Variants in SORCS3 observed in about 807,000 individuals in gnomAD.
The protein encoded by SORCS3 is sortilin related VPS10 domain containing receptor 3.
A neutral mutation model predicts 146.3 loss-of-function variants in SORCS3; 57 were observed. The observed-to-expected ratio is 0.39, with a 90% confidence interval of 0.31 to 0.49. SORCS3 has a LOEUF of 0.49. Ranked by LOEUF, SORCS3 falls within the 20% of genes least tolerant of loss-of-function variation. SORCS3 has a pLI of 0.92. For missense variants in SORCS3, 1,341 were observed against 1,575.5 expected (o/e 0.85, Z 2.52); for synonymous variants, 653 against 618.5 (o/e 1.06, Z -0.83).
intron 1 of SORCS3, among the ~76,000 whole-genome samples, chr10:104,649,299 C>T (rs1002275147): frequency 6.6e-6 from 1 of 152,112 alleles, no homozygotes; most frequent in African/African-American, 2.4e-5. Flanking sequence ...AAGTTGTTAC[C>T]CTCTCTGCTG....
chr10:104,831,043 C>T (rs1215978781), intron 1 of SORCS3, among the ~76,000 whole-genome samples: 1 of 151,954 alleles, frequency 6.6e-6, no homozygotes, highest in Admixed American at 6.5e-5. Context: ...CCAGGCTGGT[C>T]GTGAACTCCT....
At chr10:105,018,594 A>C (rs979799588) in intron 4 of SORCS3, among the ~76,000 whole-genome samples, 2 of 152,216 alleles carry the variant, frequency 1.3e-5, no homozygotes, top group African/African-American at 2.4e-5. Flanking sequence ...CATTTTTCTG[A>C]ATTAAATTGT....
intron 2 of SORCS3, among the ~76,000 whole-genome samples, chr10:104,850,824 G>A (rs969785724): frequency 2.0e-5 from 3 of 152,178 alleles, no homozygotes; most frequent in Non-Finnish European, 2.9e-5. Context: ...GCACACACAG[G>A]ATTTATGATA....
At chr10:104,859,174 A>G (rs931136020) in intron 2 of SORCS3, among the ~76,000 whole-genome samples, 1 of 152,096 alleles carries the variant, frequency 6.6e-6, no homozygotes, top group African/African-American at 2.4e-5. Context: ...GAAATCATGC[A>G]TCTCCAGACT....
At chr10:105,227,256 T>A (rs753470241) in intron 20 of SORCS3, among the ~76,000 whole-genome samples, 3 of 151,998 alleles carry the variant, frequency 2.0e-5, no homozygotes, top group Non-Finnish European at 2.9e-5. Context: ...TGTTTCTGGG[T>A]TTTTTTGTTT....
At chr10:105,002,145 C>G (rs2055066183) in intron 4 of SORCS3, among the ~76,000 whole-genome samples, 1 of 152,096 alleles carries the variant, frequency 6.6e-6, no homozygotes, top group Admixed American at 6.5e-5. Flanking sequence ...TAAGGACCTT[C>G]ATAGCCTCTG....
chr10:105,130,821 C>CACCAGTTAG (rs1348615293), intron 7 of SORCS3, among the ~76,000 whole-genome samples: 1 of 152,144 alleles, frequency 6.6e-6, no homozygotes, highest in Admixed American at 6.6e-5. Context: ...AATGAGCAAA[C>CACCAGTTAG]ACCAGTTAGA....
chr10:104,817,282 A>G (rs1201631285), intron 1 of SORCS3, among the ~76,000 whole-genome samples: 1 of 151,584 alleles, frequency 6.6e-6, no homozygotes, highest in Non-Finnish European at 1.5e-5. Flanking sequence ...CATTATCTCA[A>G]TTTTCAATTG....
intron 2 of SORCS3, among the ~76,000 whole-genome samples, chr10:104,909,680 G>T (rs1291755864): frequency 1.3e-5 from 2 of 152,068 alleles, no homozygotes. Context: ...GTGAGAGCTG[G>T]CAGAGTGTCT....
At position 104,651,492 on chromosome 10, in the gene SORCS3, G is replaced by A. The variant is rs565820677; in HGVS notation, c.627+9538G>A. On this transcript the variant is annotated intron_variant, in intron 1 of 26. Transcript: ENST00000369701. The stretch of plus-strand genomic sequence containing the variant: ...GCAGATCACTTGAGGTCAGGAGTTC[G>A]AGACCAGCCTGGCCAACATAGTGAA... Among the ~76,000 whole-genome samples the A allele has an allele frequency of 9.7e-5, 14 of 143,838 alleles. No individual in the cohort carries two copies. The South Asian group carries it at 1.8e-3, about 18-fold the overall frequency. 94.4% of individuals were successfully genotyped at this position (143,838 alleles called of 152,430 possible).
intron 3 of SORCS3, among the ~76,000 whole-genome samples, chr10:104,972,044 G>A (rs1042216454): frequency 6.6e-6 from 1 of 152,150 alleles, no homozygotes; most frequent in Admixed American, 6.6e-5. Context: ...ACTGGCTGGA[G>A]GGGCAGTTTA....
At chr10:105,220,137 C>T (rs1397913997) in intron 19 of SORCS3, among the ~76,000 whole-genome samples, 2 of 152,118 alleles carry the variant, frequency 1.3e-5, no homozygotes, top group Non-Finnish European at 2.9e-5. Flanking sequence ...TTCTCTGTTC[C>T]TTCCTGAATC....
At chr10:104,710,998 A>G (rs1272615171) in intron 1 of SORCS3, among the ~76,000 whole-genome samples, 1 of 152,140 alleles carries the variant, frequency 6.6e-6, no homozygotes, top group East Asian at 1.9e-4. Flanking sequence ...ATATTTATCA[A>G]TTTCTTATTA....
chr10:104,917,398 T>G (rs1218657705), intron 3 of SORCS3, among the ~76,000 whole-genome samples: 1 of 152,244 alleles, frequency 6.6e-6, no homozygotes, highest in Non-Finnish European at 1.5e-5. Context: ...TGTGTTTATA[T>G]TGTACAACAT....
At chr10:105,193,730 G>T (rs764191370) in intron 14 of SORCS3, among the ~76,000 whole-genome samples, 5 of 152,122 alleles carry the variant, frequency 3.3e-5, no homozygotes, top group East Asian at 1.9e-4. Context: ...TAATTTTATG[G>T]CAGACCATGT....
chr10:104,962,076 A>G (rs968380669), intron 3 of SORCS3, among the ~76,000 whole-genome samples: 3 of 152,096 alleles, frequency 2.0e-5, no homozygotes, highest in African/African-American at 4.8e-5. Context: ...TCGCAGTTCA[A>G]TGTGATTATG....
intron 4 of SORCS3, among the ~76,000 whole-genome samples, chr10:104,998,561 CTCT>C (rs1182887722): frequency 6.6e-6 from 1 of 152,074 alleles, no homozygotes. Context: ...TTTTTTGTAT[CTCT>C]TCTTCTTTGC....
intron 22 of SORCS3, among the ~76,000 whole-genome samples, chr10:105,251,608 A>G (rs2056898848): frequency 1.3e-5 from 2 of 152,042 alleles, no homozygotes; most frequent in African/African-American, 2.4e-5. Flanking sequence ...GGATGGGGGT[A>G]TTTCACCTGA....
Position 104,921,503 on chromosome 10 carries a change from C to CTCTGTGTG in SORCS3, c.795+5572_795+5573insCTGTGTGT, listed in dbSNP as rs1481936605. 2.2e-4 allele frequency among the ~76,000 whole-genome samples: 31 copies of CTCTGTGTG among 143,590 alleles called. No individual in the cohort carries two copies. The East Asian group carries it at 4.1e-3, about 19-fold the overall frequency. 94.2% of individuals were successfully genotyped at this position (143,590 alleles called of 152,430 possible). ...GGTACATGTCTCTCTCTCTCTCTCT[C>CTCTGTGTG]TGTGTGTGTGTGTGTGTGTGTGTGT... On this transcript the variant is annotated intron_variant, in intron 3 of 26. Coordinates refer to ENST00000369701, the MANE Select transcript of SORCS3 (RefSeq NM_014978.3).
Sources: gnomAD v4.1 joint callset for allele counts (sites outside exome capture counted in the v4.1 genomes callset) on GRCh38, gnomAD v4.1.1 for gene constraint, MANE v1.5 for transcripts, NCBI Gene and HGNC (gene_info 2026-07-23, HGNC 2026-07-21) for gene names.